The following ARB2A variants were observed in gnomAD, a reference collection of about 807,000 sequenced individuals.
ARB2A encodes the protein cotranscriptional regulator ARB2A.
the ARB2A span, among the ~76,000 whole-genome samples, chr5:93,971,525 C>T: frequency 2.0e-5 from 3 of 151,054 alleles, no homozygotes; most frequent in African/African-American, 7.3e-5. Context: ...TGAAATAGCG[C>T]CATTGCACTC....
chr5:94,055,454 CA>C, the ARB2A span, among the ~76,000 whole-genome samples: 1 of 152,126 alleles, frequency 6.6e-6, no homozygotes, highest in South Asian at 2.1e-4. Flanking sequence ...CTGTAGAACA[CA>C]AAAACAAGCC....
chr5:93,991,254 G>A, the ARB2A span, among the ~76,000 whole-genome samples: 1 of 152,008 alleles, frequency 6.6e-6, no homozygotes, highest in Admixed American at 6.6e-5. Flanking sequence ...ACTCATAAGA[G>A]AGCTAAACTA....
At chr5:93,945,206 G>A in the ARB2A span, among the ~76,000 whole-genome samples, 104 of 152,290 alleles carry the variant, frequency 6.8e-4, no homozygotes, top group African/African-American at 2.4e-3. Context: ...ACTTTGAGAG[G>A]CTGAGGTGGG....
the ARB2A span, among the ~76,000 whole-genome samples, chr5:93,699,467 A>C: frequency 6.6e-6 from 1 of 152,122 alleles, no homozygotes; most frequent in Non-Finnish European, 1.5e-5. Flanking sequence ...GTATTCACTA[A>C]CCATTAATAT....
chr5:93,830,309 G>GTATATATATATATA, the ARB2A span, among the ~76,000 whole-genome samples: 11 of 49,654 alleles, frequency 2.2e-4, no homozygotes, highest in African/African-American at 1.0e-3. Flanking sequence ...ATGTGTGTGT[G>GTATATATATATATA]TGTATATATA....
At chr5:93,763,605 T>A in the ARB2A span, among the ~76,000 whole-genome samples, 1 of 152,124 alleles carries the variant, frequency 6.6e-6, no homozygotes, top group Admixed American at 6.5e-5. Flanking sequence ...ATGGGAGACT[T>A]TAACACCCCA....
At chr5:93,778,724 C>T in the ARB2A span, among the ~76,000 whole-genome samples, 1 of 152,066 alleles carries the variant, frequency 6.6e-6, no homozygotes, top group Non-Finnish European at 1.5e-5. Context: ...CTACTGCTCA[C>T]CTACACTTCA....
the ARB2A span, among the ~76,000 whole-genome samples, chr5:93,960,123 C>T: frequency 1.4e-5 from 2 of 141,680 alleles, no homozygotes; most frequent in Admixed American, 1.4e-4. Flanking sequence ...CTAAATACTC[C>T]CAGTCATTAC....
chr5:93,670,693 G>A, the ARB2A span, among the ~76,000 whole-genome samples: 1 of 152,110 alleles, frequency 6.6e-6, no homozygotes, highest in East Asian at 1.9e-4. Flanking sequence ...ATTTAGTTAT[G>A]CCTAATGAGT....
At chr5:93,802,731 T>C in the ARB2A span, among the ~76,000 whole-genome samples, 1 of 152,140 alleles carries the variant, frequency 6.6e-6, no homozygotes, top group Non-Finnish European at 1.5e-5. Flanking sequence ...AATTCCAGAA[T>C]GATGTTTAGC....
chr5:93,877,995 C>T, the ARB2A span, among the ~76,000 whole-genome samples: 1 of 150,754 alleles, frequency 6.6e-6, no homozygotes, highest in Admixed American at 6.6e-5. Flanking sequence ...TGACATAGCT[C>T]AAAAGGAAAA....
At chr5:93,693,369 G>C in the ARB2A span, among the ~76,000 whole-genome samples, 2 of 151,982 alleles carry the variant, frequency 1.3e-5, no homozygotes, top group African/African-American at 2.4e-5. Context: ...TGATAAAGGG[G>C]ATATCACCAC....
At chr5:94,015,711 A>G in the ARB2A span, among the ~76,000 whole-genome samples, 1 of 152,160 alleles carries the variant, frequency 6.6e-6, no homozygotes. Flanking sequence ...GTGTATTTCT[A>G]TTATTTTCTT....
At chr5:94,035,596 G>A in the ARB2A span, among the ~76,000 whole-genome samples, 3 of 151,396 alleles carry the variant, frequency 2.0e-5, no homozygotes, top group African/African-American at 7.3e-5. Context: ...AGGACCTGGA[G>A]CCAACCCAAC....
At chr5:93,820,270 T>C in the ARB2A span, among the ~76,000 whole-genome samples, 4 of 152,182 alleles carry the variant, frequency 2.6e-5, no homozygotes, top group Non-Finnish European at 4.4e-5. Flanking sequence ...CTGAGATCAA[T>C]AACTGGGCAT....
chr5:93,770,769 G>A, the ARB2A span, among the ~76,000 whole-genome samples: 1 of 152,106 alleles, frequency 6.6e-6, no homozygotes, highest in Non-Finnish European at 1.5e-5. Context: ...CCTCTTCAAG[G>A]AGAACTACAA....
the ARB2A span, among the ~76,000 whole-genome samples, chr5:93,966,348 T>A: frequency 6.6e-6 from 1 of 152,174 alleles, no homozygotes; most frequent in African/African-American, 2.4e-5. Flanking sequence ...TAAATACTAC[T>A]GACCTTACAA....
chr5:94,055,663 C>A, the ARB2A span: 1 of 985,258 alleles, frequency 1.0e-6, no homozygotes, highest in Non-Finnish European at 1.2e-6. Flanking sequence ...TTCTTACCAC[C>A]TTGTAAATCT....
At chr5:93,808,784 G>T in the ARB2A span, among the ~76,000 whole-genome samples, 1 of 151,824 alleles carries the variant, frequency 6.6e-6, no homozygotes, top group Admixed American at 6.6e-5. Context: ...ATAAATAACT[G>T]AGTGTAAAAT....
Sources: allele counts gnomAD v4.1 joint callset (sites outside exome capture counted in the v4.1 genomes callset), GRCh38; gene constraint gnomAD v4.1.1; transcripts MANE v1.5; gene names NCBI Gene and HGNC (gene_info 2026-07-23, HGNC 2026-07-21).